AGTR1: variants seen among roughly 807,000 people sequenced by gnomAD.
AGTR1 encodes angiotensin II receptor type 1, also known as type-1 angiotensin II receptor.
In AGTR1, 16 loss-of-function variants were observed where a neutral mutation model predicts 19.4. The observed-to-expected ratio is 0.82, with a 90% CI of 0.56 to 1.25. The LOEUF (loss-of-function observed/expected upper bound fraction) is 1.25. Among genes scored for constraint, AGTR1 ranks in the 50% most tolerant of loss-of-function variants. AGTR1 has a pLI of 0.00. For missense variants in AGTR1, 373 were observed against 431.9 expected, an observed-to-expected ratio of 0.86 and a Z score of 1.21; for synonymous variants, 153 against 154.9, an observed-to-expected ratio of 0.99 and a Z score of 0.09.
chr3:148,701,977 CTTT>C (rs398062907), intron 1 of AGTR1, among the ~76,000 whole-genome samples: 4 of 132,618 alleles, frequency 3.0e-5, no homozygotes, highest in Non-Finnish European at 1.6e-5. Flanking sequence ...GATTGTGTAC[CTTT>C]TTTTTTTTTT....
chr3:148,729,288 A>G (rs1013923968), intron 2 of AGTR1, among the ~76,000 whole-genome samples: 2 of 152,174 alleles, frequency 1.3e-5, no homozygotes, highest in African/African-American at 4.8e-5. Context: ...CCTGTCCTTA[A>G]GGAGTTACTG....
intron 2 of AGTR1, among the ~76,000 whole-genome samples, chr3:148,724,328 C>A (rs1005343131): frequency 4.6e-5 from 7 of 152,066 alleles, no homozygotes; most frequent in African/African-American, 7.2e-5. Context: ...ACCATAACAA[C>A]AATAGAATGC....
intron 2 of AGTR1, among the ~76,000 whole-genome samples, chr3:148,735,015 A>C (rs1241561786): frequency 6.6e-6 from 1 of 152,200 alleles, no homozygotes; most frequent in East Asian, 1.9e-4. Flanking sequence ...ACAGCTCTGA[A>C]TAAAAGTTAA....
At chr3:148,736,759 A>G (rs1714589332) in intron 2 of AGTR1, among the ~76,000 whole-genome samples, 1 of 152,190 alleles carries the variant, frequency 6.6e-6, no homozygotes, top group Non-Finnish European at 1.5e-5. Context: ...TCCTTTCTCT[A>G]AGGGGAAATG....
chr3:148,735,102 A>G (rs1034596092), intron 2 of AGTR1, among the ~76,000 whole-genome samples: 12 of 152,190 alleles, frequency 7.9e-5, no homozygotes, highest in Non-Finnish European at 1.6e-4. Context: ...GCAGTGTGAA[A>G]GTCAGGACCA....
At chr3:148,725,620 T>C (rs1203797099) in intron 2 of AGTR1, among the ~76,000 whole-genome samples, 1 of 152,162 alleles carries the variant, frequency 6.6e-6, no homozygotes, top group Non-Finnish European at 1.5e-5. Flanking sequence ...GTAGCTGGGA[T>C]TACAGGCATC....
chr3:148,700,464 A>G (rs968300006), intron 1 of AGTR1, among the ~76,000 whole-genome samples: 1 of 152,134 alleles, frequency 6.6e-6, no homozygotes, highest in Non-Finnish European at 1.5e-5. Context: ...CGAATTTGTT[A>G]CAGGGACAAA....
intron 2 of AGTR1, among the ~76,000 whole-genome samples, chr3:148,712,194 CTT>C (rs1713026273): frequency 6.6e-6 from 1 of 152,106 alleles, no homozygotes; most frequent in South Asian, 2.1e-4. Flanking sequence ...CCTTTTAAGA[CTT>C]TTAAGATTTA....
intron 1 of AGTR1, among the ~76,000 whole-genome samples, chr3:148,705,505 A>G (rs1005482867): frequency 2.0e-5 from 3 of 152,110 alleles, no homozygotes; most frequent in Non-Finnish European, 2.9e-5. Flanking sequence ...GCCCTCAGTT[A>G]CACAGTTAAT....
At chr3:148,707,238 G>A (rs1005819813) in intron 1 of AGTR1, among the ~76,000 whole-genome samples, 4 of 151,914 alleles carry the variant, frequency 2.6e-5, no homozygotes, top group Admixed American at 1.3e-4. Context: ...AAAAACTATA[G>A]ATATACATAT....
Position 148,720,782 on chromosome 3 carries a change from C to T in AGTR1, c.-48+12755C>T, listed in dbSNP as rs974625697. On this transcript the variant is annotated intron_variant, in intron 2 of 2. Coordinates refer to ENST00000349243, the MANE Select transcript of AGTR1 (RefSeq NM_000685.5). ...GAAAGATATCTTTGCATTAAAAAAT[C>T]ATTTTCTTTTCAAATGTTAATGTAC... Among the ~76,000 whole-genome samples the T allele has an allele frequency of 3.3e-5, 5 of 152,136 alleles. No homozygotes were observed. The East Asian group carries it at 9.6e-4, about 29-fold the overall frequency.
intron 1 of AGTR1, among the ~76,000 whole-genome samples, chr3:148,706,175 C>A (rs942836649): frequency 9.9e-5 from 15 of 151,852 alleles, no homozygotes; most frequent in Non-Finnish European, 1.5e-4. Context: ...ACTATTAACT[C>A]TCTGGAGAAT....
intron 2 of AGTR1, among the ~76,000 whole-genome samples, chr3:148,709,999 G>A (rs1334404023): frequency 2.6e-5 from 4 of 152,034 alleles, no homozygotes; most frequent in Non-Finnish European, 5.9e-5. Context: ...AAATATAAAC[G>A]TATTAAAATT....
chr3:148,728,355 A>G (rs1714070872), intron 2 of AGTR1, among the ~76,000 whole-genome samples: 2 of 152,372 alleles, frequency 1.3e-5, no homozygotes, highest in African/African-American at 4.8e-5. Flanking sequence ...GCTAATATTA[A>G]GCCACTATTA....
At chr3:148,698,702 T>A (rs1712136587) in intron 1 of AGTR1, among the ~76,000 whole-genome samples, 1 of 152,054 alleles carries the variant, frequency 6.6e-6, no homozygotes, top group Non-Finnish European at 1.5e-5. Flanking sequence ...ACCCTCAGGG[T>A]TCCCAGATGT....
chr3:148,707,417 A>C (rs1712730147), intron 1 of AGTR1, among the ~76,000 whole-genome samples: 1 of 152,156 alleles, frequency 6.6e-6, no homozygotes. Context: ...TCCTTCTGTA[A>C]CTTGACATTT....
At chr3:148,699,401 T>A (rs548532036) in intron 1 of AGTR1, among the ~76,000 whole-genome samples, 2 of 152,312 alleles carry the variant, frequency 1.3e-5, no homozygotes, top group South Asian at 4.1e-4. Flanking sequence ...ACTTCCCTTG[T>A]CTTCTCCGGT....
At chr3:148,731,418 TA>T (rs1714249284) in intron 2 of AGTR1, 1 of 152,350 alleles carries the variant, frequency 6.6e-6, no homozygotes, top group African/African-American at 2.4e-5. Flanking sequence ...AGTGCCTTGT[TA>T]TAATTCTTCA....
At chr3:148,711,222 T>C (rs1291634644) in intron 2 of AGTR1, among the ~76,000 whole-genome samples, 1 of 152,170 alleles carries the variant, frequency 6.6e-6, no homozygotes, top group African/African-American at 2.4e-5. Flanking sequence ...TTAATAAAAT[T>C]TGAGTCTCAG....
Sources: gnomAD v4.1 joint callset for allele counts (sites outside exome capture counted in the v4.1 genomes callset) on GRCh38, gnomAD v4.1.1 for gene constraint, MANE v1.5 for transcripts, NCBI Gene and HGNC (gene_info 2026-07-23, HGNC 2026-07-21) for gene names.